The following HPSE2 variants were observed in gnomAD, a reference collection of about 807,000 sequenced individuals.
HPSE2 encodes the protein inactive heparanase-2.
HPSE2 carries 38 observed loss-of-function variants against 60.5 expected under a neutral mutation model. The observed-to-expected ratio is 0.63, with a 90% CI of 0.48 to 0.82. HPSE2 has a LOEUF of 0.82. HPSE2 is among the 40% of genes least tolerant of loss of function. The probability of loss-of-function intolerance (pLI) is 0.00; values close to 1 mark genes in which losing one functional copy is unlikely to be tolerated. For missense variants in HPSE2, 713 were observed against 740.4 expected, an observed-to-expected ratio of 0.96 and a Z score of 0.43; for synonymous variants, 295 against 293.2, an observed-to-expected ratio of 1.01 and a Z score of -0.06.
At chr10:99,148,764 C>T (rs1564845065) in intron 2 of HPSE2, among the ~76,000 whole-genome samples, 3 of 151,206 alleles carry the variant, frequency 2.0e-5, no homozygotes, top group South Asian at 4.2e-4. Flanking sequence ...CACTCCAGCC[C>T]GGGCAAAAAG....
intron 9 of HPSE2, among the ~76,000 whole-genome samples, chr10:98,605,671 G>A (rs1945559988): frequency 6.6e-6 from 1 of 152,136 alleles, no homozygotes; most frequent in Non-Finnish European, 1.5e-5. Flanking sequence ...TTGTATGAAG[G>A]GCAATAAACA....
intron 3 of HPSE2, among the ~76,000 whole-genome samples, chr10:99,066,364 AAAGG>A (rs1842616744): frequency 6.6e-6 from 1 of 152,230 alleles, no homozygotes. Flanking sequence ...AGAACCTAGA[AAAGG>A]AAGAGTAAAC....
intron 3 of HPSE2, among the ~76,000 whole-genome samples, chr10:98,903,558 G>A (rs1010482286): frequency 1.4e-4 from 22 of 152,006 alleles, no homozygotes; most frequent in Admixed American, 3.9e-4. Context: ...TCTCTCTCTC[G>A]TTTCTTGCTT....
chr10:98,637,120 C>T (rs1027043987), intron 7 of HPSE2, among the ~76,000 whole-genome samples: 2 of 150,788 alleles, frequency 1.3e-5, no homozygotes, highest in African/African-American at 4.9e-5. Flanking sequence ...GAGTTGTCCA[C>T]ACACTGCTCA....
chr10:99,073,971 T>C (rs1842881103), intron 3 of HPSE2, among the ~76,000 whole-genome samples: 1 of 149,908 alleles, frequency 6.7e-6, no homozygotes, highest in Admixed American at 6.7e-5. Context: ...GGAATCCTTC[T>C]AATTTTCTAC....
chr10:99,165,740 T>C (rs2133785613), intron 2 of HPSE2, among the ~76,000 whole-genome samples: 1 of 151,752 alleles, frequency 6.6e-6, no homozygotes, highest in South Asian at 2.1e-4. Flanking sequence ...AGAGACGGGG[T>C]TTCACCATGC....
the HPSE2 span, among the ~76,000 whole-genome samples, chr10:99,262,356 C>A: frequency 6.6e-6 from 1 of 152,142 alleles, no homozygotes; most frequent in Non-Finnish European, 1.5e-5. Flanking sequence ...TACGTTGAGA[C>A]ATTTTAACTA....
the HPSE2 span, among the ~76,000 whole-genome samples, chr10:99,262,547 C>T: frequency 3.3e-3 from 500 of 152,252 alleles, 3 homozygotes; most frequent in Non-Finnish European, 5.0e-3. Flanking sequence ...CCATTAAAAC[C>T]TCATCACCCT....
At chr10:99,073,579 G>A (rs1053384483) in intron 3 of HPSE2, among the ~76,000 whole-genome samples, 6 of 152,046 alleles carry the variant, frequency 3.9e-5, no homozygotes, top group Non-Finnish European at 5.9e-5. Flanking sequence ...CATCGCACAC[G>A]TTTACCTATA....
At chr10:98,632,983 G>A (rs1464978545) in intron 7 of HPSE2, among the ~76,000 whole-genome samples, 1 of 151,954 alleles carries the variant, frequency 6.6e-6, no homozygotes, top group Non-Finnish European at 1.5e-5. Flanking sequence ...AAGTTACACT[G>A]GGTGCACGTG....
At chr10:98,841,026 G>A (rs1044471499) in intron 3 of HPSE2, among the ~76,000 whole-genome samples, 2 of 152,152 alleles carry the variant, frequency 1.3e-5, no homozygotes, top group African/African-American at 2.4e-5. Context: ...GGGAGGCCAA[G>A]GGGGGCGAAT....
chr10:98,804,253 A>C (rs1345663271), intron 3 of HPSE2, among the ~76,000 whole-genome samples: 3 of 152,088 alleles, frequency 2.0e-5, no homozygotes, highest in Non-Finnish European at 4.4e-5. Flanking sequence ...CCGCAAGCAC[A>C]GGCAACCAAA....
chr10:98,871,037 T>G (rs1312037974), intron 3 of HPSE2, among the ~76,000 whole-genome samples: 1 of 152,002 alleles, frequency 6.6e-6, no homozygotes, highest in African/African-American at 2.4e-5. Context: ...CTGCCATGAT[T>G]GTAAGCTTCC....
intron 11 of HPSE2, among the ~76,000 whole-genome samples, chr10:98,460,788 C>T (rs1034070991): frequency 2.0e-5 from 3 of 152,154 alleles, no homozygotes; most frequent in African/African-American, 7.2e-5. Flanking sequence ...ACATAGCAAA[C>T]TTAGAAAAGA....
chr10:99,232,425 T>C lies in HPSE2; in HGVS notation c.371A>G (p.Gln124Arg). 5.1e-6 allele frequency: 8 copies of C among 1,554,408 alleles called. No individual in the cohort carries two copies. The highest frequency in any genetic ancestry group is 7.0e-6 in the Non-Finnish European group (8 of 1,148,508). ...RFGGKRTDFL[Q>R]FQNLRNPAKS... ...CGCCGGGTTCCTCAGGTTCTGGAAC[T>C]GCAGGAAGTCGGTCCTTTTGCCCCC... Residue 124 changes from glutamine to arginine, a missense_variant, in exon 2 of 12, where the codon CAG becomes CGG. Gln to Arg is a conservative substitution (Grantham distance 43). Coordinates refer to ENST00000370552, the MANE Select transcript of HPSE2 (RefSeq NM_021828.5).
At chr10:99,010,384 A>T (rs1424494888) in intron 3 of HPSE2, among the ~76,000 whole-genome samples, 1 of 152,190 alleles carries the variant, frequency 6.6e-6, no homozygotes, top group Non-Finnish European at 1.5e-5. Flanking sequence ...TACTTTCCTG[A>T]GCTTGGGAAA....
chr10:98,812,106 G>A (rs1017360957), intron 3 of HPSE2, among the ~76,000 whole-genome samples: 3 of 152,000 alleles, frequency 2.0e-5, no homozygotes, highest in African/African-American at 7.2e-5. Context: ...TGATTTGTGT[G>A]GTTCTTTAAC....
intron 3 of HPSE2, among the ~76,000 whole-genome samples, chr10:98,850,182 G>C (rs1476902442): frequency 6.6e-6 from 1 of 152,152 alleles, no homozygotes. Context: ...GCTAATGGTA[G>C]AGAAGTTTTC....
At chr10:98,747,618 T>A (rs1166951691) in intron 3 of HPSE2, among the ~76,000 whole-genome samples, 1 of 152,212 alleles carries the variant, frequency 6.6e-6, no homozygotes, top group African/African-American at 2.4e-5. Flanking sequence ...AATACTTCTT[T>A]AAGAATAAGT....
Sources: gnomAD v4.1 joint callset for allele counts (sites outside exome capture counted in the v4.1 genomes callset) on GRCh38, gnomAD v4.1.1 for gene constraint, MANE v1.5 for transcripts, NCBI Gene and HGNC (gene_info 2026-07-23, HGNC 2026-07-21) for gene names.